The following DAB1 variants were observed in gnomAD, a reference collection of about 807,000 sequenced individuals.
The protein encoded by DAB1 is DAB adaptor protein 1.
DAB1 carries 15 observed loss-of-function variants against 64.6 expected under a neutral mutation model. The ratio of observed to expected loss-of-function variants is 0.23; its 90% CI spans 0.16 to 0.36. DAB1 has a LOEUF of 0.36. DAB1 is among the 10% of genes least tolerant of loss of function. The probability of loss-of-function intolerance (pLI) is 1.00; values close to 1 mark genes in which losing one functional copy is unlikely to be tolerated. For synonymous variants in DAB1, 235 were observed against 251.9 expected (o/e 0.93, Z 0.64); for missense variants, 596 against 706.7 (o/e 0.84, Z 1.78).
chr1:58,334,207 C>G (rs147698001), intron 4 of DAB1, among the ~76,000 whole-genome samples: 7 of 152,266 alleles, frequency 4.6e-5, no homozygotes, highest in Non-Finnish European at 7.4e-5. Flanking sequence ...TATGGCTTGA[C>G]TTAATCCTTC....
At chr1:58,174,339 C>A (rs1656343041) in intron 4 of DAB1, among the ~76,000 whole-genome samples, 1 of 152,182 alleles carries the variant, frequency 6.6e-6, no homozygotes, top group Admixed American at 6.5e-5. Flanking sequence ...TATTTTTAAC[C>A]TCCTTGCCAA....
In DAB1 at chr1:57,320,532, GA is replaced by G. The variant is rs551469636; in HGVS notation, c.-136-29367del. On this transcript the variant is annotated intron_variant, in intron 1 of 14. Coordinates refer to ENST00000371236, the MANE Select transcript of DAB1 (RefSeq NM_001365792.1). Reference sequence around the variant, plus strand: ...TGCCTACTATTTCAGGAGAATCAAAGATTCTATATAAACCTATCCATGCACA... The same window carrying G: ...TGCCTACTATTTCAGGAGAATCAAAGTTCTATATAAACCTATCCATGCACA... 2.3e-3 allele frequency among the ~76,000 whole-genome samples: 348 copies of G among 152,216 alleles called. 2 individuals carry two copies. The highest frequency in any genetic ancestry group is 4.1e-3 in the Non-Finnish European group (276 of 68,022).
chr1:57,757,712 C>T (rs1648881881), intron 6 of DAB1, among the ~76,000 whole-genome samples: 2 of 152,128 alleles, frequency 1.3e-5, no homozygotes, highest in Admixed American at 1.3e-4. Context: ...AATAAGTTCA[C>T]ATTCTGAGGT....
At chr1:57,414,646 C>T (rs12065237) in intron 1 of DAB1, among the ~76,000 whole-genome samples, 2,361 of 152,230 alleles carry the variant, frequency 0.016, 69 homozygotes, top group African/African-American at 0.053. Flanking sequence ...CAAAAACACC[C>T]ATGATTTTCC....
chr1:58,111,186 G>A (rs1313245358), intron 5 of DAB1, among the ~76,000 whole-genome samples: 3 of 152,222 alleles, frequency 2.0e-5, no homozygotes, highest in African/African-American at 7.2e-5. Context: ...GAAGTCAAGA[G>A]AAGCTAGAAT....
chr1:57,611,127 G>C (rs1030690247), intron 7 of DAB1, among the ~76,000 whole-genome samples: 10 of 119,896 alleles, frequency 8.3e-5, no homozygotes, highest in Non-Finnish European at 1.2e-4. Flanking sequence ...GCGTGCAGTG[G>C]CTTTTTTTTT....
At chr1:57,502,178 G>T (rs997508511) in intron 7 of DAB1, among the ~76,000 whole-genome samples, 1 of 151,902 alleles carries the variant, frequency 6.6e-6, no homozygotes, top group African/African-American at 2.4e-5. Flanking sequence ...AAAATTAGCC[G>T]GTGTGGTGGC....
At chr1:58,534,166 C>T (rs1330121298) in intron 1 of DAB1, 4 of 870,554 alleles carry the variant, frequency 4.6e-6, no homozygotes, top group East Asian at 2.4e-5. Context: ...ACTGGAAGCA[C>T]GAAGGCATTA....
At chr1:57,371,175 A>G (rs1680464096) in intron 1 of DAB1, among the ~76,000 whole-genome samples, 1 of 152,222 alleles carries the variant, frequency 6.6e-6, no homozygotes, top group South Asian at 2.1e-4. Context: ...CAGAAAGACC[A>G]GACGGGGGAC....
At chr1:57,572,734 C>T (rs975594932) in intron 7 of DAB1, among the ~76,000 whole-genome samples, 1 of 152,258 alleles carries the variant, frequency 6.6e-6, no homozygotes, top group African/African-American at 2.4e-5. Context: ...TTACTTGACT[C>T]ATGGTTCTGC....
At chr1:57,813,225 C>G (rs571582377) in intron 6 of DAB1, among the ~76,000 whole-genome samples, 1 of 152,046 alleles carries the variant, frequency 6.6e-6, no homozygotes, top group Non-Finnish European at 1.5e-5. Context: ...AACATGGCAG[C>G]CTTTCTTTAC....
intron 11 of DAB1, among the ~76,000 whole-genome samples, chr1:57,017,141 C>A (rs1646460999): frequency 6.6e-6 from 1 of 152,128 alleles, no homozygotes; most frequent in Admixed American, 6.5e-5. Context: ...AGGAAACTCC[C>A]ATGTGCTTCC....
intron 2 of DAB1, among the ~76,000 whole-genome samples, chr1:57,216,096 A>C (rs939886933): frequency 2.0e-5 from 3 of 151,968 alleles, no homozygotes; most frequent in Admixed American, 1.3e-4. Context: ...TGTGGTTTGC[A>C]TGGGTGTGTT....
At chr1:58,365,102 C>A (rs965959076) in intron 3 of DAB1, among the ~76,000 whole-genome samples, 6 of 152,200 alleles carry the variant, frequency 3.9e-5, no homozygotes, top group Non-Finnish European at 8.8e-5. Flanking sequence ...GGTTCAATTA[C>A]TCCAATCAGT....
chr1:57,616,375 T>A (rs1280997927), intron 7 of DAB1, among the ~76,000 whole-genome samples: 2 of 151,622 alleles, frequency 1.3e-5, no homozygotes, highest in Admixed American at 1.3e-4. Flanking sequence ...TCTGAAATTA[T>A]GTATTCGTTT....
chr1:57,918,811 G>A (rs1202813), intron 5 of DAB1, among the ~76,000 whole-genome samples: 15,174 of 151,550 alleles, frequency 0.1, 997 homozygotes, highest in African/African-American at 0.18. Context: ...TCGACAGAGC[G>A]AGACTCCGTC....
intron 4 of DAB1, among the ~76,000 whole-genome samples, chr1:58,301,573 C>T (rs1053293636): frequency 2.6e-5 from 4 of 152,080 alleles, no homozygotes; most frequent in Non-Finnish European, 1.5e-5. Flanking sequence ...CAGTGCGGCC[C>T]AGGGAAGCCA....
rs116820770 is a variant in DAB1, at chr1:57,670,459, G to A, written n.552-20794C>T. Among the ~76,000 whole-genome samples the A allele has an allele frequency of 8.2e-3, 1,254 of 152,142 alleles. 17 individuals carry two copies. The highest frequency in any genetic ancestry group is 0.029 in the African/African-American group (1,207 of 41,528). On this transcript the variant is annotated intron_variant and non_coding_transcript_variant, in intron 6 of 20. Coordinates refer to the DAB1 transcript ENST00000485760. ...GCTCTACCTTGTTCAAGCTACTGTT[G>A]TTTGATGTCTCTTTTTATATGTGGG...
rs10529674 is a variant in DAB1, at chr1:57,355,873, AACACAC to A, written c.-136-64713_-136-64708del. Among the ~76,000 whole-genome samples, 1,364 of 146,386 alleles carry A rather than the reference AACACAC, an allele frequency of 9.3e-3. 9 individuals carry two copies. Among genetic ancestry groups the A allele is most frequent in the Middle Eastern group, 0.021 (6 of 284 alleles). On this transcript the variant is annotated intron_variant, in intron 1 of 14. Transcript: ENST00000371236. ...CTAGCTTTTTTGTTAAACCTCAATA[AACACAC>A]ACACACACACACACACACACACACA...
Sources: allele counts gnomAD v4.1 joint callset (sites outside exome capture counted in the v4.1 genomes callset), GRCh38; gene constraint gnomAD v4.1.1; transcripts MANE v1.5; gene names NCBI Gene and HGNC (gene_info 2026-07-23, HGNC 2026-07-21).